DDX60L: variants seen among roughly 807,000 people sequenced by gnomAD.
The protein encoded by DDX60L is probable ATP-dependent RNA helicase DDX60-like.
Under a neutral mutation model 211.6 loss-of-function variants are expected in DDX60L, and 191 were observed. The observed-to-expected ratio is 0.90, with a 90% confidence interval of 0.80 to 1.02. The LOEUF is 1.02. DDX60L is among the 50% of genes least tolerant of loss of function. DDX60L has a pLI of 0.00. For missense variants in DDX60L, 2,007 were observed against 1,984.1 expected (o/e 1.01, Z -0.22); for synonymous variants, 706 against 694.1 (o/e 1.02, Z -0.27).
chr4:168,390,209 T>C (rs1744558427), intron 29 of DDX60L: 2 of 1,025,156 alleles, frequency 2.0e-6, no homozygotes, highest in Non-Finnish European at 2.3e-6. Context: ...TAAATGATGT[T>C]GGATTTCTTC....
rs753856668 is a variant in DDX60L, at chr4:168,371,760, T to A, written c.4780A>T (p.Ile1594Phe). Reference sequence around the variant, plus strand: ...CCACTAACACCGACTGTGCGCAGGATGACCTGAAGAAAGACATTTTCTATT... The same window carrying A: ...CCACTAACACCGACTGTGCGCAGGAAGACCTGAAGAAAGACATTTTCTATT... ...LLRPETINQV[I>F]LRTVGVSGTQ... The change falls in exon 36 of 38, where the codon ATC becomes TTC. Residue 1594 changes from isoleucine (I) to phenylalanine (F), a missense_variant. Transcript: ENST00000682922. 1.1e-5 allele frequency: 17 copies of A among 1,598,278 alleles called. No individual in the cohort carries two copies. Among genetic ancestry groups the A allele is most frequent in the Non-Finnish European group, 1.4e-5 (16 of 1,168,984 alleles).
At chr4:168,457,166 T>C (rs1273551400) in intron 6 of DDX60L, among the ~76,000 whole-genome samples, 1 of 151,740 alleles carries the variant, frequency 6.6e-6, no homozygotes, top group Admixed American at 6.6e-5. Flanking sequence ...CAGTGATCCA[T>C]GATTGTGTCA....
chr4:168,454,758 CTTT>C (rs767461447), intron 7 of DDX60L, among the ~76,000 whole-genome samples: 1,039 of 88,606 alleles, frequency 0.012, 41 homozygotes, highest in South Asian at 0.073. Flanking sequence ...AAACAGCTTC[CTTT>C]TTTTTTTTTT....
intron 28 of DDX60L, among the ~76,000 whole-genome samples, chr4:168,392,300 A>G (rs1007668231): frequency 7.9e-5 from 12 of 152,188 alleles, no homozygotes; most frequent in African/African-American, 2.7e-4. Flanking sequence ...TATGTGCCCA[A>G]TCACCTATGT....
In DDX60L at chr4:168,400,819, T is replaced by C. The variant is rs79585775; in HGVS notation, c.3491+7A>G. On this transcript the variant is annotated splice_region_variant and intron_variant, in intron 26 of 37. Coordinates refer to ENST00000682922, the MANE Select transcript of DDX60L (RefSeq NM_001012967.3). ...GCCAATTTGTTTAAGTAAACATTAA[T>C]ACTTACATCCTTTTCTGTGTCTTCC... 6.9e-6 allele frequency: 11 copies of C among 1,604,718 alleles called. No individual in the cohort carries two copies. Among genetic ancestry groups the C allele is most frequent in the Non-Finnish European group, 9.4e-6 (11 of 1,175,766 alleles).
At chr4:168,473,561 C>T (rs1257192611) in intron 1 of DDX60L, among the ~76,000 whole-genome samples, 1 of 152,104 alleles carries the variant, frequency 6.6e-6, no homozygotes, top group Non-Finnish European at 1.5e-5. Context: ...TCCTCAGATC[C>T]TAGCAAGGAC....
rs778876007 is a variant in DDX60L, at chr4:168,391,629, C to T, written c.3826G>A (p.Glu1276Lys). The T allele has an allele frequency of 3.3e-6, 5 of 1,520,340 alleles. No individual in the cohort carries two copies. The South Asian group carries it at 4.9e-5, about 15-fold the overall frequency. 94.2% of individuals were successfully genotyped at this position (1,520,340 alleles called of 1,614,324 possible). A position where few individuals can be genotyped will look rare whatever the true frequency, so the allele number is the denominator to read the frequency against. The part of the protein sequence containing the change: ...KGLIRVVTAT[E>K]TLALGIHMPC... Reference sequence around the variant, plus strand: ...ATGTGGATCCCTAAGGCAAGTGTTTCAGTAGCTGTCACTACCTAGGAAAAA... The same window carrying T: ...ATGTGGATCCCTAAGGCAAGTGTTTTAGTAGCTGTCACTACCTAGGAAAAA... Residue 1276 changes from glutamate to lysine, a missense_variant, in exon 29 of 38, where the codon GAA becomes AAA. By Grantham distance (56) the Glu-to-Lys change is moderately conservative. Transcript: ENST00000682922.
Position 168,379,547 on chromosome 4 carries a change from T to C in DDX60L, c.4222-43A>G. 6 of 1,430,476 alleles carry C rather than the reference T, an allele frequency of 4.2e-6. No homozygotes were observed. In the South Asian group the frequency reaches 8.4e-5, roughly 20 times the overall value. 88.6% of individuals were successfully genotyped at this position (1,430,476 alleles called of 1,614,324 possible). On this transcript the variant is annotated intron_variant, in intron 31 of 37. Coordinates refer to ENST00000682922, the MANE Select transcript of DDX60L (RefSeq NM_001012967.3). Reference sequence around the variant, plus strand: ...AAAGTTGATTTAACTTGTCATGTACTCAAATACCATAAAATACCAGTGTGA... The same window carrying C: ...AAAGTTGATTTAACTTGTCATGTACCCAAATACCATAAAATACCAGTGTGA...
At chr4:168,470,839 TAA>T (rs78162593) in intron 4 of DDX60L, 1,544 of 218,056 alleles carry the variant, frequency 7.1e-3, no homozygotes, top group South Asian at 0.016. Flanking sequence ...AAACTCCATC[TAA>T]AAAAAAAAAA....
At chr4:168,408,243 GT>G (rs1283941429) in intron 22 of DDX60L, among the ~76,000 whole-genome samples, 2 of 152,126 alleles carry the variant, frequency 1.3e-5, no homozygotes, top group Admixed American at 6.5e-5. Flanking sequence ...GAATGCCTTG[GT>G]TTCCCGTCTC....
At chr4:168,428,227 G>A (rs1283404758) in intron 13 of DDX60L, among the ~76,000 whole-genome samples, 2 of 152,220 alleles carry the variant, frequency 1.3e-5, no homozygotes, top group Non-Finnish European at 2.9e-5. Flanking sequence ...GGGCTGAGGT[G>A]GAGCCTCTGC....
intron 35 of DDX60L, among the ~76,000 whole-genome samples, chr4:168,372,133 G>A (rs1312520392): frequency 6.6e-6 from 1 of 152,106 alleles, no homozygotes; most frequent in Non-Finnish European, 1.5e-5. Context: ...AATTTTCATC[G>A]TTATCTTCAT....
At chr4:168,455,937 AGTAT>A in intron 7 of DDX60L, 98 bp downstream of exon 7, 1 of 748,696 alleles carries the variant, frequency 1.3e-6, no homozygotes, top group Non-Finnish European at 2.1e-6. Flanking sequence ...AGAAACCAAG[AGTAT>A]GTCCACAGTG....
chr4:168,376,800 C>A (rs908906124), intron 33 of DDX60L, among the ~76,000 whole-genome samples: 3 of 152,212 alleles, frequency 2.0e-5, no homozygotes, highest in Non-Finnish European at 4.4e-5. Context: ...ATCAGGAGAG[C>A]AAGCTCTTGG....
At chr4:168,425,838 C>T (rs987387044) in intron 14 of DDX60L, among the ~76,000 whole-genome samples, 1 of 152,106 alleles carries the variant, frequency 6.6e-6, no homozygotes, top group East Asian at 1.9e-4. Context: ...GGCTCTTCCA[C>T]AAGTCAATAT....
chr4:168,380,056 A>G (rs1311651096), intron 30 of DDX60L: 1 of 403,672 alleles, frequency 2.5e-6, no homozygotes, highest in Non-Finnish European at 4.4e-6. Flanking sequence ...CATAACCCAG[A>G]CTGGCAAATA....
chr4:168,422,999 G>GTGTGTGTGTGTGTGTGTGTGTATA (rs551448406), intron 15 of DDX60L, among the ~76,000 whole-genome samples: 1 of 137,510 alleles, frequency 7.3e-6, no homozygotes, highest in African/African-American at 2.8e-5. Context: ...GTGTGTGTGT[G>GTGTGTGTGTGTGTGTGTGTGTATA]TTGTAGAGAC....
rs1260987544 is a variant in DDX60L at position 168,472,775 on chromosome 4, C to T, written c.-76G>A. On this transcript the variant is annotated 5_prime_UTR_variant, in exon 2 of 38. Transcript: ENST00000682922. ...AAATATGGCTGATTTATTTTGACACCTCTAAAATGGCTACATTTGATGTGA... is the reference window on the plus strand; with the variant it reads ...AAATATGGCTGATTTATTTTGACACTTCTAAAATGGCTACATTTGATGTGA... 6.6e-7 allele frequency: 1 copy of T among 1,523,912 alleles called. No individual in the cohort carries two copies. The highest frequency in any genetic ancestry group is 9.0e-7 in the Non-Finnish European group (1 of 1,109,598). 94.4% of individuals were successfully genotyped at this position (1,523,912 alleles called of 1,614,324 possible).
intron 8 of DDX60L, among the ~76,000 whole-genome samples, chr4:168,449,666 GA>G (rs1755484258): frequency 5.0e-5 from 1 of 19,824 alleles, no homozygotes; most frequent in East Asian, 2.1e-3. Context: ...AAAAAAAAAA[GA>G]AAAAAGAAAA....
Sources: gnomAD v4.1 joint callset for allele counts (sites outside exome capture counted in the v4.1 genomes callset) on GRCh38, gnomAD v4.1.1 for gene constraint, MANE v1.5 for transcripts, NCBI Gene and HGNC (gene_info 2026-07-23, HGNC 2026-07-21) for gene names.